The following DCC variants were observed in gnomAD, a reference collection of about 807,000 sequenced individuals.
DCC encodes DCC netrin 1 receptor, also known as netrin receptor DCC.
Under a neutral mutation model 172.5 loss-of-function variants are expected in DCC, and 58 were observed. The observed-to-expected ratio is 0.34, with a 90% CI of 0.27 to 0.42. The LOEUF is 0.42. DCC is among the 10% of genes least tolerant of loss of function. The probability of loss-of-function intolerance (pLI) is 1.00; values close to 1 mark genes in which losing one functional copy is unlikely to be tolerated. For missense variants in DCC, 1,740 were observed against 1,791.0 expected, an observed-to-expected ratio of 0.97 and a Z score of 0.51; for synonymous variants, 709 against 644.5, an observed-to-expected ratio of 1.10 and a Z score of -1.52.
chr18:52,691,136 T>C (rs926737934), intron 1 of DCC, among the ~76,000 whole-genome samples: 7 of 152,142 alleles, frequency 4.6e-5, no homozygotes, highest in Admixed American at 2.0e-4. Flanking sequence ...AGCTCTATTG[T>C]AGTGAAAGAG....
At chr18:52,509,491 C>T (rs1427982896) in intron 1 of DCC, among the ~76,000 whole-genome samples, 1 of 152,176 alleles carries the variant, frequency 6.6e-6, no homozygotes, top group Admixed American at 6.5e-5. Flanking sequence ...AGTGTTTAGA[C>T]AAGCCTATCC....
At chr18:52,531,272 C>CT (rs950792504) in intron 1 of DCC, among the ~76,000 whole-genome samples, 15 of 152,204 alleles carry the variant, frequency 9.9e-5, no homozygotes, top group Admixed American at 9.8e-4. Flanking sequence ...AAATAAAAAC[C>CT]TAAGACTTTG....
intron 23 of DCC, among the ~76,000 whole-genome samples, chr18:53,452,616 A>G (rs16956735): frequency 0.48 from 73,598 of 151,952 alleles, 18,870 homozygotes; most frequent in Non-Finnish European, 0.58. Flanking sequence ...CTGAGCCCTG[A>G]GTATGACTTG....
intron 1 of DCC, among the ~76,000 whole-genome samples, chr18:52,589,542 C>T (rs1340816403): frequency 6.6e-6 from 1 of 152,168 alleles, no homozygotes; most frequent in African/African-American, 2.4e-5. Flanking sequence ...TGTCAATCTG[C>T]AAAGCAGAGA....
At chr18:52,884,409 A>G (rs116789164) in intron 2 of DCC, among the ~76,000 whole-genome samples, 2,612 of 149,280 alleles carry the variant, frequency 0.017, 56 homozygotes, top group African/African-American at 0.047. Context: ...TATTTCCTCC[A>G]TGTATTTTCA....
At chr18:52,550,880 T>C (rs1037568479) in intron 1 of DCC, among the ~76,000 whole-genome samples, 3 of 151,944 alleles carry the variant, frequency 2.0e-5, no homozygotes, top group Non-Finnish European at 4.4e-5. Flanking sequence ...AACTTTTCTG[T>C]AAATCTAAAA....
At chr18:53,264,177 T>A (rs1454700106) in intron 12 of DCC, among the ~76,000 whole-genome samples, 1 of 151,918 alleles carries the variant, frequency 6.6e-6, no homozygotes, top group Admixed American at 6.6e-5. Flanking sequence ...TACAGGGAAT[T>A]TTGGGAAGCA....
chr18:52,922,531 T>C (rs532096931), intron 3 of DCC, among the ~76,000 whole-genome samples: 15 of 152,308 alleles, frequency 9.8e-5, no homozygotes, highest in African/African-American at 3.6e-4. Flanking sequence ...TTTCTTTGCA[T>C]CCAGATTTTG....
chr18:52,960,712 ATTTGGCTT>A (rs1408498989), intron 5 of DCC, among the ~76,000 whole-genome samples: 1 of 152,084 alleles, frequency 6.6e-6, no homozygotes, highest in African/African-American at 2.4e-5. Flanking sequence ...GAGCTTTGTA[ATTTGGCTT>A]CCTCTCCCTC....
intron 13 of DCC, among the ~76,000 whole-genome samples, chr18:53,309,879 T>C (rs1400648304): frequency 6.6e-6 from 1 of 150,750 alleles, no homozygotes; most frequent in Non-Finnish European, 1.5e-5. Flanking sequence ...AGCAGTTATA[T>C]GTGCGACTAT....
At chr18:53,221,903 G>T (rs1333214913) in intron 12 of DCC, among the ~76,000 whole-genome samples, 1 of 152,078 alleles carries the variant, frequency 6.6e-6, no homozygotes, top group Admixed American at 6.6e-5. Flanking sequence ...TTTATAAATT[G>T]TTTTTAGAAA....
At chr18:53,479,321 C>G (rs1488123671) in intron 25 of DCC, among the ~76,000 whole-genome samples, 1 of 152,084 alleles carries the variant, frequency 6.6e-6, no homozygotes, top group South Asian at 2.1e-4. Flanking sequence ...CTGAAAGGAA[C>G]AGTATTTTTT....
chr18:53,270,558 C>T (rs1040506598), intron 12 of DCC, among the ~76,000 whole-genome samples: 2 of 152,052 alleles, frequency 1.3e-5, no homozygotes, highest in South Asian at 2.1e-4. Flanking sequence ...TCCTGGGATT[C>T]ATATACTGGG....
intron 24 of DCC, among the ~76,000 whole-genome samples, chr18:53,466,143 A>G (rs1343122776): frequency 1.3e-5 from 2 of 152,158 alleles, no homozygotes; most frequent in Non-Finnish European, 2.9e-5. Flanking sequence ...ACTGTTGAAC[A>G]GACTGGTCTC....
chr18:53,492,021 G>T (rs1432370013), intron 26 of DCC, among the ~76,000 whole-genome samples: 1 of 152,086 alleles, frequency 6.6e-6, no homozygotes, highest in East Asian at 1.9e-4. Flanking sequence ...GCCTGAGATG[G>T]TATCTCATTG....
chr18:52,508,186 T>C (rs2031303776), intron 1 of DCC, among the ~76,000 whole-genome samples: 1 of 152,178 alleles, frequency 6.6e-6, no homozygotes, highest in Admixed American at 6.6e-5. Context: ...AGAAGAAAGA[T>C]GTCTGCTTTT....
intron 2 of DCC, among the ~76,000 whole-genome samples, chr18:52,811,093 T>C (rs2038189204): frequency 6.6e-6 from 1 of 152,126 alleles, no homozygotes; most frequent in Non-Finnish European, 1.5e-5. Flanking sequence ...CAAGCTATAG[T>C]CTGCATTTCA....
chr18:53,005,849 C>T (rs974205477), intron 5 of DCC, among the ~76,000 whole-genome samples: 1 of 152,116 alleles, frequency 6.6e-6, no homozygotes, highest in Non-Finnish European at 1.5e-5. Flanking sequence ...ATATACTATA[C>T]CTTTGCTTCG....
At chr18:52,689,722 T>C (rs1226793765) in intron 1 of DCC, among the ~76,000 whole-genome samples, 1 of 152,156 alleles carries the variant, frequency 6.6e-6, no homozygotes, top group Non-Finnish European at 1.5e-5. Flanking sequence ...TCAGTGAGCA[T>C]AGTTGTTAAT....
Sources: gnomAD v4.1 joint callset for allele counts (sites outside exome capture counted in the v4.1 genomes callset) on GRCh38, gnomAD v4.1.1 for gene constraint, MANE v1.5 for transcripts, NCBI Gene and HGNC (gene_info 2026-07-23, HGNC 2026-07-21) for gene names.